The following CMIP variants were observed in gnomAD, a reference collection of about 807,000 sequenced individuals.
CMIP encodes the protein C-Maf-inducing protein.
Under a neutral mutation model 97.3 loss-of-function variants are expected in CMIP, and 13 were observed. That is an observed-to-expected ratio of 0.13 (90% CI 0.09 to 0.21). CMIP has a LOEUF of 0.21. CMIP is among the 10% of genes least tolerant of loss of function. The probability of loss-of-function intolerance (pLI) is 1.00; values close to 1 mark genes in which losing one functional copy is unlikely to be tolerated. For missense variants in CMIP, 847 were observed against 1,024.9 expected (o/e 0.83, Z 2.37); for synonymous variants, 538 against 436.3 (o/e 1.23, Z -2.91).
At chr16:81,468,905 G>T (rs1007209665) in intron 1 of CMIP, among the ~76,000 whole-genome samples, 1 of 152,250 alleles carries the variant, frequency 6.6e-6, no homozygotes, top group African/African-American at 2.4e-5. Context: ...TGGTGGAATT[G>T]TGGAGGGCGG....
chr16:81,705,386 TG>T, intron 18 of CMIP, 112 bp from the exon 19 acceptor site: 1 of 725,892 alleles, frequency 1.4e-6, no homozygotes, highest in South Asian at 1.9e-5. Flanking sequence ...TGGTGGGCCA[TG>T]GGCCTCAGAG....
chr16:81,603,783 G>A (rs1255587962), intron 1 of CMIP, among the ~76,000 whole-genome samples: 1 of 152,182 alleles, frequency 6.6e-6, no homozygotes, highest in African/African-American at 2.4e-5. Flanking sequence ...TTAGACTTGG[G>A]TTATGGGTTT....
intron 1 of CMIP, among the ~76,000 whole-genome samples, chr16:81,531,233 A>G (rs1214048369): frequency 6.6e-6 from 1 of 152,168 alleles, no homozygotes; most frequent in African/African-American, 2.4e-5. Context: ...GCACCGTGTG[A>G]CAGCAGAGAC....
chr16:81,585,283 G>A (rs948273562), intron 1 of CMIP, among the ~76,000 whole-genome samples: 5 of 152,232 alleles, frequency 3.3e-5, no homozygotes, highest in African/African-American at 4.8e-5. Flanking sequence ...TGAGGTTGCA[G>A]TGAGCCGAGA....
chr16:81,644,372 A>AGG (rs1413968940), intron 3 of CMIP, among the ~76,000 whole-genome samples: 1 of 152,102 alleles, frequency 6.6e-6, no homozygotes, highest in African/African-American at 2.4e-5. Flanking sequence ...GAATAAGGCC[A>AGG]GGGGGCTGTG....
rs2091983194 is a variant in CMIP, at chr16:81,620,859, T to C, written c.427-17T>C. The C allele has an allele frequency of 1.2e-6, 2 of 1,613,858 alleles. No individual in the cohort carries two copies. Among genetic ancestry groups the C allele is most frequent in the East Asian group, 2.2e-5 (1 of 44,892 alleles). On this transcript the variant is annotated splice_polypyrimidine_tract_variant and intron_variant, in intron 2 of 20. Transcript: ENST00000537098. ...AGCTGATGACCGGACCTTGCTGTCC[T>C]GTTCTTGTCGTTACAGGCTGCCAAT...
chr16:81,661,866 T>C (rs2092550940), intron 6 of CMIP, among the ~76,000 whole-genome samples: 1 of 152,136 alleles, frequency 6.6e-6, no homozygotes. Flanking sequence ...GGATTCCTTT[T>C]CTACCAATCC....
chr16:81,605,347 A>T (rs1002746272), intron 1 of CMIP, among the ~76,000 whole-genome samples: 1 of 152,196 alleles, frequency 6.6e-6, no homozygotes, highest in African/African-American at 2.4e-5. Context: ...AAAGGACAGG[A>T]TGAACGCAGC....
chr16:81,491,842 C>T (rs1208453616), intron 1 of CMIP, among the ~76,000 whole-genome samples: 1 of 152,192 alleles, frequency 6.6e-6, no homozygotes, highest in South Asian at 2.1e-4. Context: ...TATGTCATTA[C>T]AGGCACAGTG....
chr16:81,697,697 C>T (rs960218999), intron 14 of CMIP: 1 of 152,274 alleles, frequency 6.6e-6, no homozygotes, highest in African/African-American at 2.4e-5. Context: ...TGGTGATTCT[C>T]CTCTCTGCTG....
intron 1 of CMIP, among the ~76,000 whole-genome samples, chr16:81,588,686 T>C (rs957841289): frequency 2.6e-5 from 4 of 152,190 alleles, no homozygotes; most frequent in African/African-American, 9.6e-5. Context: ...GTATTTCACT[T>C]ATTTGTCTTT....
chr16:81,660,800 T>C, intron 5 of CMIP, 84 bp from the exon 6 acceptor site: 1 of 1,461,800 alleles, frequency 6.8e-7, no homozygotes, highest in Non-Finnish European at 9.6e-7. Flanking sequence ...TTTTTTTCAC[T>C]TCACAATATG....
intron 1 of CMIP, among the ~76,000 whole-genome samples, chr16:81,448,450 C>T (rs1475898290): frequency 6.6e-6 from 1 of 152,250 alleles, no homozygotes; most frequent in Non-Finnish European, 1.5e-5. Context: ...CCCAGTCCCA[C>T]CTGCTGGGTG....
chr16:81,581,123 A>G (rs1476396409), intron 1 of CMIP, among the ~76,000 whole-genome samples: 1 of 152,210 alleles, frequency 6.6e-6, no homozygotes, highest in Non-Finnish European at 1.5e-5. Flanking sequence ...TTTTGATGGC[A>G]GAATGATACT....
chr16:81,640,023 C>A (rs1199365937), intron 3 of CMIP, among the ~76,000 whole-genome samples: 1 of 152,166 alleles, frequency 6.6e-6, no homozygotes, highest in Non-Finnish European at 1.5e-5. Flanking sequence ...AATCCTCCCC[C>A]ATGGCTCCTC....
chr16:81,505,960 A>G (rs930749602), intron 1 of CMIP, among the ~76,000 whole-genome samples: 1 of 152,202 alleles, frequency 6.6e-6, no homozygotes, highest in East Asian at 1.9e-4. Flanking sequence ...GTGCCATTGC[A>G]CTCCAGCCTG....
intron 1 of CMIP, chr16:81,606,973 G>A (rs187443450): frequency 6.4e-6 from 1 of 155,204 alleles, no homozygotes; most frequent in African/African-American, 2.4e-5. Context: ...TGTGGAAAGG[G>A]AGAGATGCCG....
chr16:81,619,318 T>C (rs1409772606), intron 2 of CMIP: 1 of 152,248 alleles, frequency 6.6e-6, no homozygotes, highest in Non-Finnish European at 1.5e-5. Context: ...GCTACTGGAA[T>C]GGATCATTTA....
intron 3 of CMIP, among the ~76,000 whole-genome samples, chr16:81,634,480 G>C (rs2092208630): frequency 6.6e-6 from 1 of 152,082 alleles, no homozygotes; most frequent in Non-Finnish European, 1.5e-5. Flanking sequence ...ATAGCTTTCG[G>C]GTTACTCTGC....
Sources: gnomAD v4.1 joint callset for allele counts (sites outside exome capture counted in the v4.1 genomes callset) on GRCh38, gnomAD v4.1.1 for gene constraint, MANE v1.5 for transcripts, NCBI Gene and HGNC (gene_info 2026-07-23, HGNC 2026-07-21) for gene names.